The following CA10 variants were observed in gnomAD, a reference collection of about 807,000 sequenced individuals.
CA10 encodes the protein carbonic anhydrase 10 (inactive).
CA10 carries 14 observed loss-of-function variants against 44.2 expected under a neutral mutation model. That is an observed-to-expected ratio of 0.32 (90% CI 0.21 to 0.50). CA10 has a LOEUF of 0.50. Among genes scored for constraint, CA10 ranks in the 20% least tolerant of loss-of-function variants. The pLI is 0.99. For missense variants in CA10, 350 were observed against 409.7 expected, an observed-to-expected ratio of 0.85 and a Z score of 1.26; for synonymous variants, 159 against 141.6, an observed-to-expected ratio of 1.12 and a Z score of -0.87.
At chr17:52,092,354 G>GGAAAAACGTTTTTAA (rs1330271260) in intron 1 of CA10, among the ~76,000 whole-genome samples, 1 of 152,106 alleles carries the variant, frequency 6.6e-6, no homozygotes, top group Non-Finnish European at 1.5e-5. Flanking sequence ...ACGTTTTTAA[G>GGAAAAACGTTTTTAA]AAAAAACCAA....
At chr17:52,118,864 A>G (rs1299662576) in intron 1 of CA10, among the ~76,000 whole-genome samples, 4 of 152,132 alleles carry the variant, frequency 2.6e-5, no homozygotes, top group Non-Finnish European at 5.9e-5. Flanking sequence ...GATCCTGTTC[A>G]AAAGATGGTT....
chr17:51,807,891 G>A (rs148011886), intron 3 of CA10, among the ~76,000 whole-genome samples: 72 of 152,358 alleles, frequency 4.7e-4, no homozygotes, highest in African/African-American at 1.7e-3. Context: ...AGGGTGCTGG[G>A]AATGTTCTGT....
chr17:52,052,982 T>C (rs948196013), intron 2 of CA10, among the ~76,000 whole-genome samples: 2 of 151,652 alleles, frequency 1.3e-5, no homozygotes, highest in Non-Finnish European at 2.9e-5. Context: ...GTGTGGTGGC[T>C]TCCTACTATG....
At chr17:51,864,722 G>A (rs911052327) in intron 3 of CA10, among the ~76,000 whole-genome samples, 12 of 152,164 alleles carry the variant, frequency 7.9e-5, no homozygotes, top group African/African-American at 2.9e-4. Context: ...CAATTATGGT[G>A]TTCATTTCCT....
chr17:51,687,329 A>T (rs902307728), intron 4 of CA10, among the ~76,000 whole-genome samples: 2 of 152,242 alleles, frequency 1.3e-5, no homozygotes, highest in African/African-American at 4.8e-5. Flanking sequence ...AATATCAATT[A>T]GTCATTTATC....
At chr17:51,687,314 C>G (rs189268464) in intron 4 of CA10, among the ~76,000 whole-genome samples, 14 of 152,290 alleles carry the variant, frequency 9.2e-5, no homozygotes, top group Non-Finnish European at 1.5e-4. Context: ...CATTCTTAGT[C>G]ATTCAATATC....
intron 3 of CA10, among the ~76,000 whole-genome samples, chr17:51,836,168 A>G (rs1270667402): frequency 6.6e-6 from 1 of 152,248 alleles, no homozygotes; most frequent in Non-Finnish European, 1.5e-5. Flanking sequence ...GAAGGGACTG[A>G]GAAGCAAACA....
chr17:51,820,328 C>T lies in CA10; in HGVS notation c.280-72510G>A, dbSNP rs371677869. Among the ~76,000 whole-genome samples, 310 of 148,456 alleles carry T rather than the reference C, an allele frequency of 2.1e-3. 9 individuals carry two copies. In the South Asian group the frequency reaches 0.063, roughly 30 times the overall value. ...AACTGACACACAGTGGGTATTCAGTCAATGTTTGTCGGATGACTCATGGGG... is the reference window on the plus strand; with the variant it reads ...AACTGACACACAGTGGGTATTCAGTTAATGTTTGTCGGATGACTCATGGGG... On this transcript the variant is annotated intron_variant, in intron 3 of 8. Transcript: ENST00000451037.
At position 52,037,414 on chromosome 17, in the gene CA10, A is replaced by T. The variant is rs141456666; in HGVS notation, c.136+34905T>A. On this transcript the variant is annotated intron_variant, in intron 2 of 8. Transcript: ENST00000451037. ...CCAGAGATCAAGCAAGATAAAGATC[A>T]GTGAGTAACACCTGGATTTAGAACC... Among the ~76,000 whole-genome samples the T allele has an allele frequency of 2.2e-3, 342 of 152,310 alleles. 10 individuals are homozygous for T. The East Asian group carries it at 0.048, about 21-fold the overall frequency.
intron 3 of CA10, among the ~76,000 whole-genome samples, chr17:51,864,952 T>G (rs996127979): frequency 6.6e-6 from 1 of 152,164 alleles, no homozygotes; most frequent in African/African-American, 2.4e-5. Flanking sequence ...GCCTTGTATG[T>G]GTCAGATGTT....
At chr17:52,048,801 G>T (rs1445671662) in intron 2 of CA10, among the ~76,000 whole-genome samples, 1 of 152,040 alleles carries the variant, frequency 6.6e-6, no homozygotes, top group Non-Finnish European at 1.5e-5. Context: ...GAGCTTAGAA[G>T]TTGAGGCCAA....
intron 4 of CA10, among the ~76,000 whole-genome samples, chr17:51,701,305 A>G (rs1407759485): frequency 6.6e-6 from 1 of 151,992 alleles, no homozygotes; most frequent in Non-Finnish European, 1.5e-5. Flanking sequence ...TCTTCTCATA[A>G]GGACACCAGT....
intron 4 of CA10, among the ~76,000 whole-genome samples, chr17:51,684,538 C>T (rs945986579): frequency 3.3e-5 from 5 of 152,180 alleles, no homozygotes; most frequent in South Asian, 2.1e-4. Flanking sequence ...CTACCCAAAA[C>T]GTGCCATGCC....
intron 1 of CA10, among the ~76,000 whole-genome samples, chr17:52,123,908 C>T (rs1476065418): frequency 6.6e-6 from 1 of 152,140 alleles, no homozygotes; most frequent in Non-Finnish European, 1.5e-5. Flanking sequence ...GGAGCAGACC[C>T]TTGGGACCCT....
intron 3 of CA10, among the ~76,000 whole-genome samples, chr17:51,920,694 T>G (rs1982195656): frequency 6.6e-6 from 1 of 152,210 alleles, no homozygotes; most frequent in Non-Finnish European, 1.5e-5. Flanking sequence ...AGCCAAGATC[T>G]AAACTCAGCA....
chr17:51,685,181 G>T (rs1178106121), intron 4 of CA10, among the ~76,000 whole-genome samples: 1 of 152,180 alleles, frequency 6.6e-6, no homozygotes, highest in Non-Finnish European at 1.5e-5. Flanking sequence ...CTTGATTAGA[G>T]ATAGCCAGAG....
intron 1 of CA10, among the ~76,000 whole-genome samples, chr17:52,131,750 T>A (rs1989244952): frequency 6.6e-6 from 1 of 152,196 alleles, no homozygotes; most frequent in African/African-American, 2.4e-5. Context: ...TAGACTATAT[T>A]GTATGTGTAT....
At chr17:52,107,437 T>G (rs1360521481) in intron 1 of CA10, among the ~76,000 whole-genome samples, 1 of 152,172 alleles carries the variant, frequency 6.6e-6, no homozygotes, top group East Asian at 1.9e-4. Flanking sequence ...TTTTTTCCTA[T>G]GACAATTTTC....
intron 2 of CA10, among the ~76,000 whole-genome samples, chr17:52,066,357 T>C (rs1987535225): frequency 6.6e-6 from 1 of 152,066 alleles, no homozygotes; most frequent in Non-Finnish European, 1.5e-5. Flanking sequence ...CAGGCTAAGG[T>C]GGTCTCAGAT....
Sources: gnomAD v4.1 joint callset for allele counts (sites outside exome capture counted in the v4.1 genomes callset) on GRCh38, gnomAD v4.1.1 for gene constraint, MANE v1.5 for transcripts, NCBI Gene and HGNC (gene_info 2026-07-23, HGNC 2026-07-21) for gene names.